TENM4: variants seen among roughly 807,000 people sequenced by gnomAD.
TENM4 encodes the protein teneurin transmembrane protein 4, also known as teneurin-4.
In TENM4, 82 loss-of-function variants were observed where a neutral mutation model predicts 243.3. The observed-to-expected ratio is 0.34, with a 90% CI of 0.28 to 0.40. The LOEUF is 0.40. Among genes scored for constraint, TENM4 ranks in the 10% least tolerant of loss-of-function variants. The pLI is 1.00. For synonymous variants in TENM4, 1,412 were observed against 1,456.3 expected (o/e 0.97, Z 0.69); for missense variants, 3,138 against 3,673.3 (o/e 0.85, Z 3.77).
At chr11:79,288,005 C>T (rs935674388) in intron 2 of TENM4, among the ~76,000 whole-genome samples, 2 of 152,214 alleles carry the variant, frequency 1.3e-5, no homozygotes, top group African/African-American at 4.8e-5. Context: ...CCTAATTGAT[C>T]TTTGGTTTCA....
chr11:78,845,707 C>A (rs1407402845), intron 12 of TENM4, among the ~76,000 whole-genome samples: 1 of 152,046 alleles, frequency 6.6e-6, no homozygotes, highest in Non-Finnish European at 1.5e-5. Context: ...CCTCTCAAAG[C>A]TGCCGTTCTG....
rs375898874 is a variant in TENM4 at position 79,119,589 on chromosome 11, C to T, written c.-66+29121G>A. Reference sequence around the variant, plus strand: ...CAGCCAGGCGCCTGCCCAGACCTTTCTTAGATTCCTAACGCTCATTAAGCA... The same window carrying T: ...CAGCCAGGCGCCTGCCCAGACCTTTTTTAGATTCCTAACGCTCATTAAGCA... On this transcript the variant is annotated intron_variant, in intron 4 of 33. Transcript: ENST00000278550. Among the ~76,000 whole-genome samples, 59 of 152,296 alleles carry T rather than the reference C, an allele frequency of 3.9e-4. No individual in the cohort carries two copies. In the East Asian group the frequency reaches 9.7e-3, roughly 25 times the overall value.
intron 6 of TENM4, among the ~76,000 whole-genome samples, chr11:79,051,338 C>T (rs940119768): frequency 2.0e-5 from 3 of 152,200 alleles, no homozygotes; most frequent in African/African-American, 4.8e-5. Flanking sequence ...CACAAGGTAA[C>T]ACAGCTAATA....
At chr11:79,373,906 C>G (rs1857837475) in intron 1 of TENM4, among the ~76,000 whole-genome samples, 1 of 152,106 alleles carries the variant, frequency 6.6e-6, no homozygotes, top group Non-Finnish European at 1.5e-5. Flanking sequence ...AGATTACTTT[C>G]ATTTTCATGC....
chr11:78,979,749 AG>A (rs71473393), intron 6 of TENM4, among the ~76,000 whole-genome samples: 44,776 of 151,964 alleles, frequency 0.29, 7,392 homozygotes, highest in Non-Finnish European at 0.38. Flanking sequence ...CTGAGGAGAC[AG>A]GCCATGTTCA....
chr11:79,304,989 T>C (rs933295423), intron 1 of TENM4, among the ~76,000 whole-genome samples: 1 of 152,232 alleles, frequency 6.6e-6, no homozygotes, highest in Non-Finnish European at 1.5e-5. Context: ...GAGAAAGCCT[T>C]TTTAATAGAA....
chr11:79,437,271 G>A (rs1859290872), intron 1 of TENM4, among the ~76,000 whole-genome samples: 1 of 152,190 alleles, frequency 6.6e-6, no homozygotes, highest in African/African-American at 2.4e-5. Flanking sequence ...ACACAGGCGC[G>A]CAGAAAACTA....
intron 6 of TENM4, among the ~76,000 whole-genome samples, chr11:78,967,597 C>G (rs1361062508): frequency 6.6e-6 from 1 of 152,196 alleles, no homozygotes; most frequent in East Asian, 1.9e-4. Context: ...TCCAGATGAT[C>G]TGAGCCTGCT....
chr11:79,173,482 G>C (rs1361018758), intron 3 of TENM4, among the ~76,000 whole-genome samples: 1 of 152,074 alleles, frequency 6.6e-6, no homozygotes, highest in Non-Finnish European at 1.5e-5. Context: ...CCTATCACCA[G>C]GTGGGTCAGT....
chr11:79,356,213 C>G (rs566914166), intron 1 of TENM4, among the ~76,000 whole-genome samples: 1 of 152,196 alleles, frequency 6.6e-6, no homozygotes, highest in South Asian at 2.1e-4. Context: ...ATTTAAACCT[C>G]TTCTGCAAGA....
intron 12 of TENM4, among the ~76,000 whole-genome samples, chr11:78,844,002 T>A (rs1858324683): frequency 6.6e-6 from 1 of 152,194 alleles, no homozygotes; most frequent in South Asian, 2.1e-4. Flanking sequence ...TCTTCCATGT[T>A]CCCTGTCTTG....
chr11:78,671,847 T>C (rs888554128), intron 31 of TENM4, among the ~76,000 whole-genome samples, 186 bp downstream of exon 31: 1 of 152,350 alleles, frequency 6.6e-6, no homozygotes, highest in South Asian at 2.1e-4. Flanking sequence ...CCACCTGCCA[T>C]GCTATCTCCC....
chr11:79,252,004 A>G (rs1392976294), intron 2 of TENM4, among the ~76,000 whole-genome samples: 1 of 152,210 alleles, frequency 6.6e-6, no homozygotes, highest in Non-Finnish European at 1.5e-5. Context: ...GATCTAACAT[A>G]CAACTAATGG....
chr11:78,712,134 A>T (rs1859412790), intron 26 of TENM4, among the ~76,000 whole-genome samples: 1 of 152,246 alleles, frequency 6.6e-6, no homozygotes, highest in African/African-American at 2.4e-5. Flanking sequence ...TTGCTGGAAA[A>T]CTATATAGTC....
chr11:78,856,085 G>A lies in TENM4; in HGVS notation c.1349C>T (p.Thr450Ile). 6.4e-7 allele frequency: 1 copy of A among 1,551,602 alleles called. No homozygotes were observed. The highest frequency in any genetic ancestry group is 2.4e-5 in the East Asian group (1 of 40,934). ...TATGAACACTTGAGATCTCCAGAAA[G>A]TGCCAGGAGGAATCTTCTGGGAAGC... is the stretch of plus-strand genomic sequence containing the variant. ...RRASQKIPPG[T>I]FWRSQVFIDH... The change falls in exon 11 of 34, where the codon ACT (threonine) becomes ATT (isoleucine). Residue 450 changes from threonine to isoleucine, a missense_variant. By Grantham distance (89) the Thr-to-Ile change is moderately conservative (BLOSUM62 -1). Transcript: ENST00000278550.
chr11:79,201,873 A>AG (rs767894958), intron 3 of TENM4, among the ~76,000 whole-genome samples: 18 of 152,316 alleles, frequency 1.2e-4, no homozygotes, highest in Admixed American at 2.6e-4. Flanking sequence ...GTGCTAGGCT[A>AG]GAGGCAGAGA....
At chr11:78,735,271 G>T (rs1013544126) in intron 20 of TENM4, among the ~76,000 whole-genome samples, 1 of 152,178 alleles carries the variant, frequency 6.6e-6, no homozygotes, top group Admixed American at 6.5e-5. Context: ...ACCTGAGGTG[G>T]GGTTTATTTT....
chr11:78,710,233 T>C (rs1044725811), intron 26 of TENM4, among the ~76,000 whole-genome samples: 1 of 152,258 alleles, frequency 6.6e-6, no homozygotes, highest in Non-Finnish European at 1.5e-5. Flanking sequence ...ACAGGGATTC[T>C]AACATCTGAC....
chr11:78,704,157 G>GCCTA (rs1555067640), intron 27 of TENM4, among the ~76,000 whole-genome samples: 38 of 70,504 alleles, frequency 5.4e-4, no homozygotes, highest in African/African-American at 2.2e-3. Flanking sequence ...ATGTATGTGT[G>GCCTA]TCTATATATA....
Sources: allele counts gnomAD v4.1 joint callset (sites outside exome capture counted in the v4.1 genomes callset), GRCh38; gene constraint gnomAD v4.1.1; transcripts MANE v1.5; gene names NCBI Gene and HGNC (gene_info 2026-07-23, HGNC 2026-07-21).